Variants in MTA1 observed in about 807,000 individuals in gnomAD.
MTA1 encodes metastasis associated 1.
In MTA1, 15 loss-of-function variants were observed where a neutral mutation model predicts 97.0. The ratio of observed to expected loss-of-function variants is 0.15; its 90% CI spans 0.10 to 0.24. The LOEUF (loss-of-function observed/expected upper bound fraction) is 0.24, where lower values mean the gene tolerates loss of function less well. MTA1 is among the 10% of genes least tolerant of loss of function. The probability of loss-of-function intolerance (pLI) is 1.00; values close to 1 mark genes in which losing one functional copy is unlikely to be tolerated. For synonymous variants in MTA1, 435 were observed against 417.5 expected, an observed-to-expected ratio of 1.04 and a Z score of -0.51; for missense variants, 709 against 1,015.1, an observed-to-expected ratio of 0.70 and a Z score of 4.10.
At chr14:105,443,156 A>G (rs1334552403) in intron 2 of MTA1, among the ~76,000 whole-genome samples, 4 of 152,204 alleles carry the variant, frequency 2.6e-5, no homozygotes, top group Non-Finnish European at 5.9e-5. Context: ...CGGCCAGGGT[A>G]GGGACAGCTC....
In MTA1 at chr14:105,422,517, C is replaced by T. The variant is rs1373743584; in HGVS notation, c.28+2454C>T. Among the ~76,000 whole-genome samples the T allele has an allele frequency of 1.3e-5, 2 of 152,146 alleles. No homozygotes were observed. The highest frequency in any genetic ancestry group is 1.3e-4 in the Admixed American group (2 of 15,278). On this transcript the variant is annotated intron_variant, in intron 1 of 20. Transcript: ENST00000331320. This position sits in a 1 kb window ranked among gnomAD's most constrained non-coding sequence, Gnocchi z 4.3. ...AGGGGCTTGCTCCTGTGCCCCCCCA[C>T]CCCAGGGACCTTGTGTGTAGAGGCA... is the stretch of plus-strand genomic sequence containing the variant.
In MTA1 at chr14:105,429,371, C is replaced by T. The variant is rs587740494; in HGVS notation, c.29-9301C>T. On this transcript the variant is annotated intron_variant, in intron 1 of 20. Coordinates refer to ENST00000331320, the MANE Select transcript of MTA1 (RefSeq NM_004689.4). ...CACGATCTCGGCTCGCTGCAACCTC[C>T]GCCTCCCGGGTTCAAGCGATTCTCC... Among the ~76,000 whole-genome samples the T allele has an allele frequency of 2.6e-5, 4 of 152,148 alleles. No individual in the cohort carries two copies. In the East Asian group the frequency reaches 7.7e-4, roughly 29 times the overall value.
chr14:105,446,205 C>G (rs1185129469), intron 3 of MTA1, among the ~76,000 whole-genome samples: 1 of 152,206 alleles, frequency 6.6e-6, no homozygotes, highest in Non-Finnish European at 1.5e-5. Context: ...GCCTGCCGAG[C>G]TGGGCCCCAC....
In MTA1 at chr14:105,437,721, C is replaced by T. The variant is rs587631912; in HGVS notation, c.29-951C>T. On this transcript the variant is annotated intron_variant, in intron 1 of 20. Coordinates refer to ENST00000331320, the MANE Select transcript of MTA1 (RefSeq NM_004689.4). The stretch of plus-strand genomic sequence containing the variant: ...GCTGATTCCAGCTGAGACAGGCCTC[C>T]TGCTCAGTCCCCCCTGCGGAGCTGA... 7.2e-5 allele frequency among the ~76,000 whole-genome samples: 11 copies of T among 152,362 alleles called. No homozygotes were observed. The South Asian group carries it at 2.3e-3, about 32-fold the overall frequency.
At chr14:105,454,442 C>A in intron 7 of MTA1, 132 bp downstream of exon 7, 1 of 672,398 alleles carries the variant, frequency 1.5e-6, no homozygotes, top group East Asian at 2.9e-5. Context: ...AGGTGTAGGC[C>A]TGGGCTCTGT....
Position 105,464,126 on chromosome 14 carries a change from C to T in MTA1, c.1171C>T (p.Arg391Trp), listed in dbSNP as rs1415499174. The T allele has an allele frequency of 2.5e-6, 4 of 1,610,554 alleles. No individual in the cohort carries two copies. Among genetic ancestry groups the T allele is most frequent in the South Asian group, 1.1e-5 (1 of 90,866 alleles). ...GAPGQSPGAG[R>W]ACESCYTTQS... ...GCCGGGCCAGAGCCCTGGGGCTGGC[C>T]GGGCCTGCGAGAGCTGTTACAGTAA... Residue 391 changes from arginine (R) to tryptophan (W), a missense_variant, in exon 13 of 21, where the codon CGG becomes TGG. Arg to Trp is a moderately radical substitution (Grantham distance 101). Transcript: ENST00000331320.
intron 3 of MTA1, chr14:105,449,045 T>G: frequency 2.9e-6 from 1 of 350,548 alleles, no homozygotes; most frequent in Non-Finnish European, 5.2e-6. Context: ...CCCGGTCTCA[T>G]CTGGACAGCC....
intron 3 of MTA1, among the ~76,000 whole-genome samples, chr14:105,448,378 C>T (rs759217803): frequency 1.5e-4 from 23 of 152,284 alleles, no homozygotes; most frequent in East Asian, 7.7e-4. Flanking sequence ...TTCTGCTGAC[C>T]GGGACGCTGG....
chr14:105,463,927 C>T lies in MTA1; in HGVS notation c.1077-105C>T, dbSNP rs187577188. On this transcript the variant is annotated intron_variant, in intron 12 of 20. Transcript: ENST00000331320. The surrounding 1 kb of genome is among the most constrained non-coding windows in gnomAD (Gnocchi z 5.9). Reference sequence around the variant, plus strand: ...CTGCCGAGGCCGAGGGGTGCGAGGACGTGGTTCTGGACAAGGGGTGGTCAG... The same window carrying T: ...CTGCCGAGGCCGAGGGGTGCGAGGATGTGGTTCTGGACAAGGGGTGGTCAG... 1.8e-4 allele frequency: 186 copies of T among 1,052,962 alleles called. No homozygotes were observed. The African/African-American group carries it at 2.4e-3, about 14-fold the overall frequency. The allele number at this position is 1,052,962 out of a possible 1,614,324, so 65.2% of individuals were successfully genotyped here.
In MTA1 at chr14:105,465,374, T is replaced by C. The variant is rs1365296409; in HGVS notation, c.1624+191T>C. ...GCAGACCCACTGGGACCCAGGCTGC[T>C]CCCTGCTCCTGGGGTCGTGATGGGG... On this transcript the variant is annotated intron_variant, in intron 16 of 20. Coordinates refer to ENST00000331320, the MANE Select transcript of MTA1 (RefSeq NM_004689.4). The C allele has an allele frequency of 1.2e-5, 5 of 424,524 alleles. No individual in the cohort carries two copies. In the Admixed American group the frequency reaches 1.6e-4, roughly 14 times the overall value. The allele number at this position is 424,524 out of a possible 1,614,324, so 26.3% of individuals were successfully genotyped here.
intron 2 of MTA1, among the ~76,000 whole-genome samples, chr14:105,443,335 G>A (rs1353520650): frequency 1.3e-5 from 2 of 152,158 alleles, no homozygotes; most frequent in African/African-American, 4.8e-5. Context: ...GGCAGGCTGT[G>A]CAGAGCAACT....
chr14:105,465,068 C>G (rs782053457), intron 15 of MTA1, 26 bp from the exon 16 acceptor site: 18 of 1,489,238 alleles, frequency 1.2e-5, no homozygotes, highest in Middle Eastern at 2.4e-4. Flanking sequence ...GGTGCCCCAC[C>G]CCTCACACCG....
intron 3 of MTA1, among the ~76,000 whole-genome samples, chr14:105,447,459 C>T (rs142146603): frequency 5.3e-5 from 8 of 152,336 alleles, no homozygotes; most frequent in South Asian, 4.1e-4. Flanking sequence ...GTTCTGCTCT[C>T]AGACGCCCCA....
chr14:105,461,054 C>T, intron 10 of MTA1, 101 bp downstream of exon 10: 1 of 1,225,514 alleles, frequency 8.2e-7, no homozygotes, highest in East Asian at 2.4e-5. Flanking sequence ...CTGAGGGAGC[C>T]TGTCCTGCAC....
chr14:105,438,771 G>C, intron 2 of MTA1, 32 bp downstream of exon 2: 2 of 1,607,654 alleles, frequency 1.2e-6, no homozygotes, highest in Non-Finnish European at 1.7e-6. Context: ...GCTGCAGGGG[G>C]GTAGTGGGTG....
chr14:105,427,925 T>C (rs2082059026), intron 1 of MTA1, among the ~76,000 whole-genome samples: 1 of 128,000 alleles, frequency 7.8e-6, no homozygotes, highest in South Asian at 2.2e-4. Flanking sequence ...GGCCGAGGCA[T>C]GAGAATCACT....
At chr14:105,425,193 C>T (rs2081972416) in intron 1 of MTA1, among the ~76,000 whole-genome samples, 1 of 152,336 alleles carries the variant, frequency 6.6e-6, no homozygotes, top group East Asian at 1.9e-4. Context: ...AGGGTGGCCC[C>T]CCTTCCCCAG....
chr14:105,435,781 C>T (rs192294693), intron 1 of MTA1, among the ~76,000 whole-genome samples: 1 of 152,306 alleles, frequency 6.6e-6, no homozygotes, highest in Non-Finnish European at 1.5e-5. Flanking sequence ...ATCTTTCAAG[C>T]AATTGGTTCA....
At chr14:105,431,312 C>T (rs1256899220) in intron 1 of MTA1, among the ~76,000 whole-genome samples, 1 of 152,186 alleles carries the variant, frequency 6.6e-6, no homozygotes, top group Non-Finnish European at 1.5e-5. Context: ...ATCCACCCAC[C>T]TTGGCCTCCC....
Sources: allele counts gnomAD v4.1 joint callset (sites outside exome capture counted in the v4.1 genomes callset), GRCh38; gene constraint gnomAD v4.1.1; non-coding constraint Gnocchi (gnomAD v3.1); transcripts MANE v1.5; gene names NCBI Gene and HGNC (gene_info 2026-07-23, HGNC 2026-07-21).